Variants in CYRIB observed in about 807,000 individuals in gnomAD.
CYRIB encodes the protein CYFIP related Rac1 interactor B.
CYRIB carries 8 observed loss-of-function variants against 44.2 expected under a neutral mutation model. The observed-to-expected ratio is 0.18, with a 90% confidence interval of 0.11 to 0.33. The LOEUF is 0.33. CYRIB is among the 10% of genes least tolerant of loss of function. The pLI is 1.00. For synonymous variants in CYRIB, 131 were observed against 127.2 expected, an observed-to-expected ratio of 1.03 and a Z score of -0.20; for missense variants, 185 against 382.8, an observed-to-expected ratio of 0.48 and a Z score of 4.31.
At chr8:129,977,625 A>G (rs2095997251) in intron 1 of CYRIB, among the ~76,000 whole-genome samples, 2 of 151,148 alleles carry the variant, frequency 1.3e-5, no homozygotes, top group East Asian at 2.0e-4. Flanking sequence ...TCCACCTCCC[A>G]GGTTCACGCC....
intron 1 of CYRIB, among the ~76,000 whole-genome samples, chr8:129,936,513 T>A (rs2086642): frequency 6.6e-6 from 1 of 152,146 alleles, no homozygotes; most frequent in Non-Finnish European, 1.5e-5. Flanking sequence ...TTATGTATAA[T>A]TGTAGAAACT....
Position 129,879,370 on chromosome 8 carries a change from T to C in CYRIB, c.73+19A>G, listed in dbSNP as rs750219171. On this transcript the variant is annotated intron_variant, in intron 3 of 11. Coordinates refer to ENST00000519824, the Ensembl canonical transcript of CYRIB. ...TCTACTGCAGGCAAAGAGAAATAGA[T>C]ATAAAATCATCTTCTCACTTTCAAA... is the stretch of plus-strand genomic sequence containing the variant. 5.8e-6 allele frequency: 9 copies of C among 1,554,042 alleles called. No individual in the cohort carries two copies. The East Asian group carries it at 1.1e-4, about 19-fold the overall frequency.
chr8:129,940,494 G>A (rs952635963), upstream of CYRIB, among the ~76,000 whole-genome samples: 2 of 152,154 alleles, frequency 1.3e-5, no homozygotes, highest in South Asian at 4.1e-4. Flanking sequence ...CTGTTCTGGG[G>A]TCGACTCTGG....
At chr8:129,993,169 T>A (rs183718126) in intron 1 of CYRIB, among the ~76,000 whole-genome samples, 2 of 151,926 alleles carry the variant, frequency 1.3e-5, no homozygotes, top group Admixed American at 1.3e-4. Flanking sequence ...GGCGGGTGGA[T>A]CACTTGAGGT....
chr8:129,864,831 G>A (rs529461184), intron 4 of CYRIB: 28 of 439,782 alleles, frequency 6.4e-5, no homozygotes, highest in South Asian at 2.4e-4. Flanking sequence ...AAGATTCCAC[G>A]TACACATTTT....
chr8:129,895,995 C>T (rs1310514795), intron 2 of CYRIB, among the ~76,000 whole-genome samples: 1 of 152,114 alleles, frequency 6.6e-6, no homozygotes, highest in Non-Finnish European at 1.5e-5. Flanking sequence ...GCTGTCAAGC[C>T]TATTTTTATA....
intron 1 of CYRIB, among the ~76,000 whole-genome samples, chr8:129,973,369 T>C (rs2095791640): frequency 6.6e-6 from 1 of 152,212 alleles, no homozygotes; most frequent in African/African-American, 2.4e-5. Context: ...TGCTGGTCCA[T>C]TCAGTTAAGC....
At chr8:129,936,832 G>A (rs112743157) in intron 1 of CYRIB, among the ~76,000 whole-genome samples, 2,192 of 150,348 alleles carry the variant, frequency 0.015, 40 homozygotes, top group African/African-American at 0.046. Flanking sequence ...TCGGCCTCCT[G>A]AGTAGCTGGG....
intron 2 of CYRIB, among the ~76,000 whole-genome samples, chr8:129,956,240 T>C (rs1465777143): frequency 6.6e-6 from 1 of 152,196 alleles, no homozygotes; most frequent in Non-Finnish European, 1.5e-5. Context: ...GCTACTACCA[T>C]TGTCACTTCC....
At chr8:129,998,788 C>T (rs2096840325) in intron 1 of CYRIB, among the ~76,000 whole-genome samples, 1 of 152,134 alleles carries the variant, frequency 6.6e-6, no homozygotes, top group African/African-American at 2.4e-5. Context: ...TGTGCCACCC[C>T]ACCCGGCTAA....
At chr8:129,871,018 G>A (rs558463401) in intron 4 of CYRIB, among the ~76,000 whole-genome samples, 25 of 152,180 alleles carry the variant, frequency 1.6e-4, no homozygotes, top group African/African-American at 5.3e-4. Flanking sequence ...AGTTGAGGGA[G>A]ACCACACTAC....
At chr8:129,986,804 A>C (rs2096470376) in intron 1 of CYRIB, among the ~76,000 whole-genome samples, 1 of 152,222 alleles carries the variant, frequency 6.6e-6, no homozygotes, top group Admixed American at 6.5e-5. Flanking sequence ...TAAGCAACAG[A>C]AAACGGACAA....
At chr8:129,855,219 C>A (rs1375897583) in intron 6 of CYRIB, among the ~76,000 whole-genome samples, 1 of 151,860 alleles carries the variant, frequency 6.6e-6, no homozygotes, top group Admixed American at 6.6e-5. Flanking sequence ...GGTGAAACCC[C>A]GTCTCTACTA....
intron 3 of CYRIB, among the ~76,000 whole-genome samples, chr8:129,872,316 G>A (rs2057595342): frequency 6.6e-6 from 1 of 152,068 alleles, no homozygotes; most frequent in Admixed American, 6.5e-5. Flanking sequence ...AAAAATGAAG[G>A]AAGAATTACA....
At position 129,926,599 on chromosome 8, in the gene CYRIB, G is replaced by T. The variant is rs535477978; in HGVS notation, c.-50+13009C>A. 2.3e-5 allele frequency among the ~76,000 whole-genome samples: 3 copies of T among 132,640 alleles called. No homozygotes were observed. In the East Asian group the frequency reaches 6.6e-4, roughly 29 times the overall value. 87.0% of individuals were successfully genotyped at this position (132,640 alleles called of 152,430 possible). The stretch of plus-strand genomic sequence containing the variant: ...AGGTGTCAGAGGAGTTCCTAATAAT[G>T]GGATGTGATCTACACTAGCGGAGAG... On this transcript the variant is annotated intron_variant, in intron 1 of 11. Transcript: ENST00000519824.
intron 1 of CYRIB, among the ~76,000 whole-genome samples, chr8:129,981,315 T>G (rs1231671075): frequency 6.6e-6 from 1 of 152,088 alleles, no homozygotes; most frequent in Non-Finnish European, 1.5e-5. Flanking sequence ...AATTTTTGTT[T>G]GTTGGTTGGT....
exon 12 of CYRIB, chr8:129,841,425 A>C (rs1448572591): frequency 6.6e-6 from 1 of 152,650 alleles, no homozygotes; most frequent in Non-Finnish European, 1.5e-5. Context: ...ACATGGGGAA[A>C]ACTTCAGAAG....
At chr8:129,858,342 T>G (rs2047313034) in intron 5 of CYRIB, among the ~76,000 whole-genome samples, 1 of 152,186 alleles carries the variant, frequency 6.6e-6, no homozygotes, top group African/African-American at 2.4e-5. Flanking sequence ...TATTAAGCCC[T>G]AAGTTCTGGA....
At chr8:129,846,974 C>CT in intron 10 of CYRIB, 100 bp from the exon 13 acceptor site, 1 of 635,758 alleles carries the variant, frequency 1.6e-6, no homozygotes, top group Non-Finnish European at 2.6e-6. Context: ...CTATGGAACT[C>CT]AAGAGATTAC....
Sources: gnomAD v4.1 joint callset for allele counts (sites outside exome capture counted in the v4.1 genomes callset) on GRCh38, gnomAD v4.1.1 for gene constraint, MANE v1.5 for transcripts, NCBI Gene and HGNC (gene_info 2026-07-23, HGNC 2026-07-21) for gene names.